Variants in DLGAP2 observed in about 807,000 individuals in gnomAD.
DLGAP2 encodes the protein disks large-associated protein 2.
A neutral mutation model predicts 100.3 loss-of-function variants in DLGAP2; 26 were observed. The observed-to-expected ratio is 0.26, with a 90% CI of 0.19 to 0.36. The LOEUF (loss-of-function observed/expected upper bound fraction) is 0.36. DLGAP2 is among the 10% of genes least tolerant of loss of function. The pLI, the probability that DLGAP2 is intolerant of heterozygous loss-of-function variation, is 1.00. For missense variants in DLGAP2, 1,858 were observed against 1,453.2 expected (o/e 1.28, Z -4.53); for synonymous variants, 886 against 630.1 (o/e 1.41, Z -6.08).
chr8:997,694 C>T (rs373707146), intron 2 of DLGAP2, among the ~76,000 whole-genome samples: 6 of 152,200 alleles, frequency 3.9e-5, no homozygotes, highest in African/African-American at 1.4e-4. Flanking sequence ...TCTTTAAAAG[C>T]CTAAGAATAA....
At chr8:941,179 G>A (rs1244683085) in intron 2 of DLGAP2, among the ~76,000 whole-genome samples, 2 of 152,154 alleles carry the variant, frequency 1.3e-5, no homozygotes, top group African/African-American at 4.8e-5. Flanking sequence ...TGTTTGTGGG[G>A]TGGAACTGGT....
intron 1 of DLGAP2, among the ~76,000 whole-genome samples, chr8:813,199 C>G (rs1021480481): frequency 3.3e-5 from 5 of 151,382 alleles, no homozygotes; most frequent in Non-Finnish European, 7.4e-5. Flanking sequence ...GACAAAAAAC[C>G]TATTGTGATC....
chr8:787,273 C>T (rs144422411), intron 1 of DLGAP2, among the ~76,000 whole-genome samples: 1 of 151,022 alleles, frequency 6.6e-6, no homozygotes, highest in South Asian at 2.1e-4. Flanking sequence ...GAGCCTGACG[C>T]GTCTGTTCTC....
chr8:1,150,545 G>A (rs1796680487), intron 2 of DLGAP2, among the ~76,000 whole-genome samples: 1 of 152,194 alleles, frequency 6.6e-6, no homozygotes, highest in African/African-American at 2.4e-5. Context: ...CCTTGGGACA[G>A]AGACGAGGAT....
intron 3 of DLGAP2, among the ~76,000 whole-genome samples, chr8:1,340,485 C>G (rs1379694989): frequency 6.6e-6 from 1 of 152,236 alleles, no homozygotes; most frequent in Non-Finnish European, 1.5e-5. Context: ...AAAAGCTCAA[C>G]ATCACTGACC....
At chr8:915,723 A>G (rs991427201) in intron 2 of DLGAP2, among the ~76,000 whole-genome samples, 1 of 151,896 alleles carries the variant, frequency 6.6e-6, no homozygotes, top group Admixed American at 6.6e-5. Flanking sequence ...CTCCCCATCT[A>G]TTCATCTCTC....
intron 1 of DLGAP2, among the ~76,000 whole-genome samples, chr8:766,854 G>A (rs543175340): frequency 6.6e-6 from 1 of 152,220 alleles, no homozygotes; most frequent in South Asian, 2.1e-4. Flanking sequence ...TTATTCTTGG[G>A]CTGTGTTTTC....
intron 2 of DLGAP2, among the ~76,000 whole-genome samples, chr8:1,062,216 C>G (rs1803105346): frequency 6.6e-6 from 1 of 152,134 alleles, no homozygotes; most frequent in Non-Finnish European, 1.5e-5. Context: ...GAGTCGACTC[C>G]AGATCCATGT....
At chr8:925,597 G>A (rs886771018) in intron 2 of DLGAP2, among the ~76,000 whole-genome samples, 8 of 152,172 alleles carry the variant, frequency 5.3e-5, no homozygotes, top group Non-Finnish European at 7.3e-5. Context: ...CTTTGCAGGT[G>A]TATTAGGGCC....
intron 2 of DLGAP2, among the ~76,000 whole-genome samples, chr8:1,172,134 C>T (rs963833749): frequency 1.1e-4 from 16 of 151,376 alleles, no homozygotes; most frequent in African/African-American, 3.9e-4. Context: ...ATTTCTCCTT[C>T]ACTTATGAAG....
intron 2 of DLGAP2, among the ~76,000 whole-genome samples, chr8:1,166,856 T>C (rs544071321): frequency 6.6e-6 from 1 of 152,324 alleles, no homozygotes; most frequent in East Asian, 1.9e-4. Flanking sequence ...GATAATACTA[T>C]ATTTAAGTAG....
intron 2 of DLGAP2, among the ~76,000 whole-genome samples, chr8:1,084,540 C>T (rs1803912027): frequency 6.6e-6 from 1 of 152,204 alleles, no homozygotes; most frequent in South Asian, 2.1e-4. Context: ...CTCCCCACAT[C>T]CCCCAGCCTC....
intron 4 of DLGAP2, among the ~76,000 whole-genome samples, chr8:1,507,043 C>T (rs1296415577): frequency 6.6e-6 from 1 of 152,252 alleles, no homozygotes; most frequent in Non-Finnish European, 1.5e-5. Flanking sequence ...CATTTACAAT[C>T]TCCTAGCTAC....
At chr8:1,256,359 G>T (rs1447685682) in intron 2 of DLGAP2, among the ~76,000 whole-genome samples, 1 of 139,678 alleles carries the variant, frequency 7.2e-6, no homozygotes, top group African/African-American at 2.8e-5. Flanking sequence ...TCCTGCCCGG[G>T]TGCTGTGTGT....
chr8:901,030 C>T (rs1798241211), intron 1 of DLGAP2, among the ~76,000 whole-genome samples: 1 of 152,160 alleles, frequency 6.6e-6, no homozygotes, highest in Non-Finnish European at 1.5e-5. Context: ...GTGGCTCATG[C>T]CTGAAATCCC....
At position 1,701,434 on chromosome 8, in the gene DLGAP2, C is replaced by G. The variant is rs773443615; in HGVS notation, c.*28C>G. Reference sequence around the variant, plus strand: ...GCGGAGGCCGGCGCCTTCCCCTCGTCGCTTCCGCTTTCCCGGACGCTTGTG... The same window carrying G: ...GCGGAGGCCGGCGCCTTCCCCTCGTGGCTTCCGCTTTCCCGGACGCTTGTG... On this transcript the variant is annotated 3_prime_UTR_variant, in exon 15 of 15. Transcript: ENST00000637795. The G allele has an allele frequency of 5.8e-6, 9 of 1,551,112 alleles. No individual in the cohort carries two copies. Among genetic ancestry groups the G allele is most frequent in the Non-Finnish European group, 7.0e-6 (8 of 1,149,092 alleles).
At chr8:1,438,246 C>G (rs149982543) in intron 3 of DLGAP2, among the ~76,000 whole-genome samples, 21 of 152,258 alleles carry the variant, frequency 1.4e-4, no homozygotes, top group African/African-American at 4.6e-4. Flanking sequence ...ACTTTGAAGT[C>G]TTTCCCCATC....
At chr8:1,023,714 C>A (rs995529555) in intron 2 of DLGAP2, among the ~76,000 whole-genome samples, 1 of 152,158 alleles carries the variant, frequency 6.6e-6, no homozygotes, top group African/African-American at 2.4e-5. Flanking sequence ...CAGCCCAGCC[C>A]TGCTTTCCTT....
chr8:1,652,036 T>C (rs901004182), intron 8 of DLGAP2, among the ~76,000 whole-genome samples: 8 of 152,184 alleles, frequency 5.3e-5, no homozygotes, highest in Non-Finnish European at 7.3e-5. Context: ...TTTCTCTTTT[T>C]CCTTGAGAAT....
Sources: allele counts gnomAD v4.1 joint callset (sites outside exome capture counted in the v4.1 genomes callset), GRCh38; gene constraint gnomAD v4.1.1; transcripts MANE v1.5; gene names NCBI Gene and HGNC (gene_info 2026-07-23, HGNC 2026-07-21).